Variants in AP1B1 observed in about 807,000 individuals in gnomAD.
The protein encoded by AP1B1 is AP-1 complex subunit beta-1.
Under a neutral mutation model 104.3 loss-of-function variants are expected in AP1B1, and 36 were observed. The ratio of observed to expected loss-of-function variants is 0.35; its 90% CI spans 0.26 to 0.46. The LOEUF (loss-of-function observed/expected upper bound fraction) is 0.46. Ranked by LOEUF, AP1B1 falls within the 20% of genes least tolerant of loss-of-function variation. AP1B1 has a pLI of 1.00. For missense variants in AP1B1, 901 were observed against 1,247.9 expected (o/e 0.72, Z 4.19); for synonymous variants, 504 against 517.5 (o/e 0.97, Z 0.35).
intron 1 of AP1B1, among the ~76,000 whole-genome samples, chr22:29,369,826 C>T (rs899239722): frequency 1.3e-5 from 2 of 148,302 alleles, no homozygotes; most frequent in African/African-American, 5.0e-5. Context: ...AATTTACCGA[C>T]ATTAAAAACG....
At position 29,356,438 on chromosome 22, in the gene AP1B1, C is replaced by T. The variant is rs140871358; in HGVS notation, c.704G>A (p.Arg235His). 177 of 1,613,096 alleles carry T rather than the reference C, an allele frequency of 1.1e-4. 1 individual carries two copies. Among genetic ancestry groups the T allele is most frequent in the Non-Finnish European group, 3.3e-5 (39 of 1,179,346 alleles). ...CLANYMPKDD[R>H]EAQSICERVT... ...GCAGCCCGCTCACCTCTGGGCCTCGCGGTCGTCCTTGGGCATATAGTTGGC... is the reference window on the plus strand; with the variant it reads ...GCAGCCCGCTCACCTCTGGGCCTCGTGGTCGTCCTTGGGCATATAGTTGGC... The change falls in exon 6 of 23, where the codon CGC (arginine) becomes CAC (histidine). Residue 235 changes from arginine (R) to histidine (H), a missense_variant. Arg to His is a conservative substitution (Grantham distance 29). Around this residue, in one of 3 missense-constraint regions of AP1B1, gnomAD observed 471 missense variants for 696.7 expected, o/e 0.68. Coordinates refer to ENST00000357586, the MANE Select transcript of AP1B1 (RefSeq NM_001127.4).
Position 29,365,508 on chromosome 22 carries a change from C to T in AP1B1, c.37+1699G>A, listed in dbSNP as rs566569169. On this transcript the variant is annotated intron_variant, in intron 2 of 22. Coordinates refer to ENST00000357586, the MANE Select transcript of AP1B1 (RefSeq NM_001127.4). Reference sequence around the variant, plus strand: ...GTCTCAAAAAAAAACAAACAAACAACAAAACCCACCCCTGGGACTCCAATA... The same window carrying T: ...GTCTCAAAAAAAAACAAACAAACAATAAAACCCACCCCTGGGACTCCAATA... Among the ~76,000 whole-genome samples, 3 of 152,262 alleles carry T rather than the reference C, an allele frequency of 2.0e-5. No individual in the cohort carries two copies. The South Asian group carries it at 6.2e-4, about 32-fold the overall frequency.
At chr22:29,355,177 C>T (rs2061936681) in intron 6 of AP1B1, among the ~76,000 whole-genome samples, 1 of 151,486 alleles carries the variant, frequency 6.6e-6, no homozygotes, top group Admixed American at 6.6e-5. Context: ...GTGGAGGTTA[C>T]AGTGAGCCGA....
intron 1 of AP1B1, among the ~76,000 whole-genome samples, chr22:29,376,010 G>C (rs916326831): frequency 6.6e-6 from 1 of 152,194 alleles, no homozygotes; most frequent in South Asian, 2.1e-4. Flanking sequence ...TCTGCTGGAT[G>C]AGGGGCCCAT....
Position 29,330,528 on chromosome 22 carries a change from A to G in AP1B1, c.2616T>C (p.Ala872=). The G allele has an allele frequency of 6.2e-7, 1 of 1,610,306 alleles. No individual in the cohort carries two copies. The change falls in exon 21 of 23, where the codon GCT becomes GCC. Residue 872 remains alanine (A), a synonymous_variant. Transcript: ENST00000357586. ...QIRDCPLNAE[A]ASSKLQSSNI... ...TGCTGCTCTGCAGCTTGCTGCTCGCAGCCTCTGTGGGGTCACATGGCCGTG... is the reference window on the plus strand; with the variant it reads ...TGCTGCTCTGCAGCTTGCTGCTCGCGGCCTCTGTGGGGTCACATGGCCGTG...
intron 10 of AP1B1, 47 bp downstream of exon 10, chr22:29,349,988 C>T: frequency 6.9e-7 from 1 of 1,457,798 alleles, no homozygotes; most frequent in South Asian, 1.1e-5. Flanking sequence ...CCATCCCTGT[C>T]CCCAGGCAGA....
chr22:29,376,623 C>T (rs2062346591), intron 1 of AP1B1, among the ~76,000 whole-genome samples: 1 of 151,416 alleles, frequency 6.6e-6, no homozygotes, highest in African/African-American at 2.4e-5. Context: ...AACCTGTTAG[C>T]TCATGGACAG....
intron 4 of AP1B1, among the ~76,000 whole-genome samples, chr22:29,359,256 T>C (rs928199539): frequency 2.6e-5 from 4 of 152,204 alleles, no homozygotes; most frequent in African/African-American, 7.2e-5. Context: ...GGAGCTCATC[T>C]GAAGCCACAG....
intron 2 of AP1B1, among the ~76,000 whole-genome samples, 178 bp from the exon 3 acceptor site, chr22:29,363,284 G>A (rs998046047): frequency 1.3e-5 from 2 of 152,084 alleles, no homozygotes; most frequent in Non-Finnish European, 2.9e-5. Flanking sequence ...ATGACTGTTA[G>A]GACAGGAATT....
intron 1 of AP1B1, among the ~76,000 whole-genome samples, chr22:29,377,939 A>T (rs1392219446): frequency 6.6e-6 from 1 of 152,122 alleles, no homozygotes; most frequent in Non-Finnish European, 1.5e-5. Context: ...ACAGCTAGAA[A>T]ATGGCAGTGC....
intron 16 of AP1B1, among the ~76,000 whole-genome samples, chr22:29,335,125 T>C (rs2061619474): frequency 1.3e-5 from 2 of 152,218 alleles, no homozygotes; most frequent in Admixed American, 1.3e-4. Flanking sequence ...TTTCTGTCTT[T>C]ACCACCTTGG....
At position 29,328,674 on chromosome 22, in the gene AP1B1, C is replaced by T. The variant is rs1347277908; in HGVS notation, c.*147G>A. Reference sequence around the variant, plus strand: ...GGGGGTGGTGCCCTACCCCAGGGATCGGGTGGGTTCTGCCATCAGGACCAG... The same window carrying T: ...GGGGGTGGTGCCCTACCCCAGGGATTGGGTGGGTTCTGCCATCAGGACCAG... On this transcript the variant is annotated 3_prime_UTR_variant, in exon 23 of 23. Transcript: ENST00000357586. The surrounding 1 kb of genome is among the most constrained non-coding windows in gnomAD (Gnocchi z 4.1). 8.1e-6 allele frequency: 8 copies of T among 983,944 alleles called. No individual in the cohort carries two copies. The highest frequency in any genetic ancestry group is 3.3e-5 in the South Asian group (2 of 61,238). The allele number at this position is 983,944 out of a possible 1,614,324, so 61.0% of individuals were successfully genotyped here. A position where few individuals can be genotyped will look rare whatever the true frequency, so the allele number is the denominator to read the frequency against.
intron 17 of AP1B1, among the ~76,000 whole-genome samples, chr22:29,332,700 G>T (rs2061579809): frequency 6.6e-6 from 1 of 152,190 alleles, no homozygotes; most frequent in South Asian, 2.1e-4. Flanking sequence ...CATAGGGTGA[G>T]GGCGCTGCTG....
Position 29,354,753 on chromosome 22 carries a change from T to C in AP1B1, c.835A>G (p.Thr279Ala). The change falls in exon 7 of 23, where the codon ACA (threonine) becomes GCA (alanine). Residue 279 changes from threonine to alanine, a missense_variant. This residue lies in a region of AP1B1 where 471 missense variants were observed against 696.7 expected (regional missense o/e 0.68). Transcript: ENST00000357586. ...GGTGGGGCCAGCTTCTTGAGCAGTG[T>C]GCCGTAGTAGTCCAAGTCCTTAGAC... ...MLSKDLDYYGTLLKKLAPPLV... is the reference protein window; with the variant it reads ...MLSKDLDYYGALLKKLAPPLV... 3 of 1,614,072 alleles carry C rather than the reference T, an allele frequency of 1.9e-6. No homozygotes were observed. Among genetic ancestry groups the C allele is most frequent in the East Asian group, 2.2e-5 (1 of 44,866 alleles).
intron 2 of AP1B1, among the ~76,000 whole-genome samples, chr22:29,366,446 G>A (rs2062137800): frequency 1.3e-5 from 2 of 152,146 alleles, no homozygotes; most frequent in Non-Finnish European, 2.9e-5. Flanking sequence ...AGACCAGCCT[G>A]ACCAACATGG....
At chr22:29,361,403 G>A (rs986821892) in intron 3 of AP1B1, among the ~76,000 whole-genome samples, 2 of 152,190 alleles carry the variant, frequency 1.3e-5, no homozygotes, top group African/African-American at 4.8e-5. Context: ...GGGCATGGGT[G>A]AAAGTGGCCT....
At chr22:29,373,695 G>C (rs1214935606) in intron 1 of AP1B1, among the ~76,000 whole-genome samples, 1 of 152,192 alleles carries the variant, frequency 6.6e-6, no homozygotes, top group Non-Finnish European at 1.5e-5. Flanking sequence ...CTGCGGCCAG[G>C]AGTTCGAGAC....
At chr22:29,387,078 G>T (rs925395926) in intron 1 of AP1B1, among the ~76,000 whole-genome samples, 5 of 152,126 alleles carry the variant, frequency 3.3e-5, no homozygotes, top group African/African-American at 1.2e-4. Context: ...AGAAGTTCTC[G>T]ACAATCTTCA....
At chr22:29,329,746 G>A in intron 21 of AP1B1, 26 bp from the exon 22 acceptor site, 1 of 1,613,448 alleles carries the variant, frequency 6.2e-7, no homozygotes, top group Non-Finnish European at 8.5e-7. Flanking sequence ...CAGCAGGGAA[G>A]GTGACATGCA....
Sources: gnomAD v4.1 joint callset for allele counts (sites outside exome capture counted in the v4.1 genomes callset) on GRCh38, gnomAD v4.1.1 for gene constraint, gnomAD v4.1.1 regional missense constraint, Gnocchi (gnomAD v3.1) non-coding constraint, MANE v1.5 for transcripts, NCBI Gene and HGNC (gene_info 2026-07-23, HGNC 2026-07-21) for gene names.